Variants in ERC2 observed in about 807,000 individuals in gnomAD.
ERC2 encodes ELKS/RAB6-interacting/CAST family member 2.
Under a neutral mutation model 114.8 loss-of-function variants are expected in ERC2, and 42 were observed. The observed-to-expected ratio is 0.37, with a 90% CI of 0.29 to 0.47. ERC2 has a LOEUF of 0.47. Among genes scored for constraint, ERC2 ranks in the 20% least tolerant of loss-of-function variants. The pLI is 0.99. For synonymous variants in ERC2, 454 were observed against 425.5 expected (o/e 1.07, Z -0.82); for missense variants, 939 against 1,150.7 (o/e 0.82, Z 2.66).
At chr3:55,826,013 GGGAAGGAAGGAGGAAGAGA>G (rs1483109470) in intron 14 of ERC2, among the ~76,000 whole-genome samples, 2 of 151,440 alleles carry the variant, frequency 1.3e-5, no homozygotes, top group Non-Finnish European at 2.9e-5. Context: ...GAGGGAGGGA[GGGAAGGAAGGAGGAAGAGA>G]GGAAGGAAGG....
intron 8 of ERC2, among the ~76,000 whole-genome samples, chr3:56,014,012 A>G (rs2073136943): frequency 1.3e-5 from 2 of 152,194 alleles, no homozygotes; most frequent in Non-Finnish European, 2.9e-5. Flanking sequence ...GTGCTTTCCA[A>G]ATACATTAGG....
chr3:55,775,101 T>C (rs1203194974), intron 14 of ERC2, among the ~76,000 whole-genome samples: 5 of 152,194 alleles, frequency 3.3e-5, no homozygotes, highest in African/African-American at 1.2e-4. Flanking sequence ...CCCACACATG[T>C]CCTCCTGCCT....
rs144341589 is a variant in ERC2 at position 55,646,934 on chromosome 3, C to A, written c.*39+36860G>T. The A allele has an allele frequency of 3.2e-3, 494 of 152,244 alleles. 2 individuals carry two copies. Among genetic ancestry groups the A allele is most frequent in the African/African-American group, 0.011 (477 of 41,538 alleles). The allele number at this position is 152,244 out of a possible 1,614,324, so 9.4% of individuals were successfully genotyped here. The stretch of plus-strand genomic sequence containing the variant: ...TATTTACTAGCAAAAAACCTACAGT[C>A]CTAAAAGATATGCTCCCTTTTTCCA... On this transcript the variant is annotated intron_variant, in intron 17 of 17. Transcript: ENST00000288221.
At chr3:56,144,533 C>T (rs186861782) in intron 5 of ERC2, among the ~76,000 whole-genome samples, 4 of 152,272 alleles carry the variant, frequency 2.6e-5, no homozygotes, top group South Asian at 2.1e-4. Context: ...AAAACCGATT[C>T]GTGCTAACTT....
At chr3:56,425,706 C>T (rs1182434575) in intron 2 of ERC2, among the ~76,000 whole-genome samples, 5 of 152,112 alleles carry the variant, frequency 3.3e-5, no homozygotes, top group East Asian at 3.9e-4. Context: ...CTCCCTGAAA[C>T]ATGCCATGGC....
At chr3:55,607,422 C>T (rs1397166381) in intron 17 of ERC2, among the ~76,000 whole-genome samples, 1 of 151,986 alleles carries the variant, frequency 6.6e-6, no homozygotes, top group Non-Finnish European at 1.5e-5. Flanking sequence ...TTGGCTGGTC[C>T]GAAGGGCTGA....
rs957429912 is a variant in ERC2 at position 56,417,309 on chromosome 3, G to A, written c.657+17042C>T. 5.3e-5 allele frequency among the ~76,000 whole-genome samples: 8 copies of A among 152,148 alleles called. No individual in the cohort carries two copies. In the East Asian group the frequency reaches 5.8e-4, roughly 11 times the overall value. ...TCCCTACAATGATAGTGAATTTATC[G>A]TTTCCATCTCATGCCGTGGGACATA... is the stretch of plus-strand genomic sequence containing the variant. On this transcript the variant is annotated intron_variant, in intron 2 of 17. Coordinates refer to ENST00000288221, the MANE Select transcript of ERC2 (RefSeq NM_015576.3).
In ERC2 at chr3:55,559,167, A is replaced by G. The variant is rs939543038; in HGVS notation, c.*40-47891T>C. Among the ~76,000 whole-genome samples, 5 of 152,168 alleles carry G rather than the reference A, an allele frequency of 3.3e-5. No homozygotes were observed. The East Asian group carries it at 9.6e-4, about 29-fold the overall frequency. ...CCTTAAACCAGTCCAGCATCTCCCTATGGGCCTGGACCACAGAGATGCCTT... is the reference window on the plus strand; with the variant it reads ...CCTTAAACCAGTCCAGCATCTCCCTGTGGGCCTGGACCACAGAGATGCCTT... On this transcript the variant is annotated intron_variant, in intron 17 of 17. Transcript: ENST00000288221.
chr3:56,458,046 C>A (rs1332473842), intron 1 of ERC2, among the ~76,000 whole-genome samples: 1 of 152,196 alleles, frequency 6.6e-6, no homozygotes, highest in East Asian at 1.9e-4. Context: ...CGTGTACACA[C>A]CCTATTCCCA....
At chr3:56,025,927 A>G (rs2074010780) in intron 7 of ERC2, among the ~76,000 whole-genome samples, 1 of 152,174 alleles carries the variant, frequency 6.6e-6, no homozygotes, top group Non-Finnish European at 1.5e-5. Context: ...AAAATGGAGG[A>G]ATTCTCCACT....
At chr3:55,819,375 T>C (rs915316552) in intron 14 of ERC2, among the ~76,000 whole-genome samples, 8 of 152,190 alleles carry the variant, frequency 5.3e-5, no homozygotes, top group African/African-American at 1.9e-4. Context: ...ATGATGGTTT[T>C]TCGCCTTTCT....
At chr3:56,452,577 G>A (rs1047365510) in intron 1 of ERC2, among the ~76,000 whole-genome samples, 14 of 152,114 alleles carry the variant, frequency 9.2e-5, no homozygotes, top group Admixed American at 6.5e-4. Context: ...ACAATTTAAA[G>A]TATCATTACA....
intron 17 of ERC2, among the ~76,000 whole-genome samples, chr3:55,553,559 T>A (rs532926169): frequency 6.6e-6 from 1 of 151,996 alleles, no homozygotes; most frequent in East Asian, 2.0e-4. Context: ...GGCGGGCAGA[T>A]CATGAGGTCA....
chr3:56,002,768 C>G (rs566511573), intron 10 of ERC2, among the ~76,000 whole-genome samples: 1 of 152,040 alleles, frequency 6.6e-6, no homozygotes, highest in Non-Finnish European at 1.5e-5. Flanking sequence ...TTATCCCTTT[C>G]GGCCTAGATA....
intron 17 of ERC2, among the ~76,000 whole-genome samples, chr3:55,666,579 C>A (rs1425800870): frequency 6.6e-6 from 1 of 152,166 alleles, no homozygotes; most frequent in Non-Finnish European, 1.5e-5. Context: ...AGCCATGTTG[C>A]CCCCCAGGGG....
At chr3:56,300,861 T>C (rs2055827523) in intron 2 of ERC2, among the ~76,000 whole-genome samples, 1 of 152,126 alleles carries the variant, frequency 6.6e-6, no homozygotes, top group African/African-American at 2.4e-5. Flanking sequence ...GGACAAATGC[T>C]TCAAGATGGC....
At chr3:56,210,145 G>C (rs1217709432) in intron 3 of ERC2, among the ~76,000 whole-genome samples, 1 of 152,176 alleles carries the variant, frequency 6.6e-6, no homozygotes, top group Middle Eastern at 3.2e-3. Flanking sequence ...TTGTGCAAGA[G>C]CGAACTACCT....
intron 14 of ERC2, among the ~76,000 whole-genome samples, chr3:55,760,433 A>G (rs1454445689): frequency 2.0e-5 from 3 of 152,232 alleles, no homozygotes; most frequent in Non-Finnish European, 4.4e-5. Flanking sequence ...TAGAGGCAGA[A>G]GTATTCCTTC....
At chr3:56,366,037 T>C (rs1354174138) in intron 2 of ERC2, among the ~76,000 whole-genome samples, 2 of 152,194 alleles carry the variant, frequency 1.3e-5, no homozygotes, top group Non-Finnish European at 2.9e-5. Flanking sequence ...CCACAACCTC[T>C]GCAGCAATCT....
Sources: gnomAD v4.1 joint callset for allele counts (sites outside exome capture counted in the v4.1 genomes callset) on GRCh38, gnomAD v4.1.1 for gene constraint, MANE v1.5 for transcripts, NCBI Gene and HGNC (gene_info 2026-07-23, HGNC 2026-07-21) for gene names.